Variants in PCDHGA2 observed in about 807,000 individuals in gnomAD.
The protein encoded by PCDHGA2 is protocadherin gamma subfamily A, 2.
PCDHGA2 carries 40 observed loss-of-function variants against 59.2 expected under a neutral mutation model. The observed-to-expected ratio is 0.68, with a 90% confidence interval of 0.52 to 0.88. The LOEUF is 0.88. Ranked by LOEUF, PCDHGA2 falls within the 40% of genes least tolerant of loss-of-function variation. The pLI is 0.00. For missense variants in PCDHGA2, 1,226 were observed against 1,204.0 expected (o/e 1.02, Z -0.27); for synonymous variants, 560 against 526.0 (o/e 1.06, Z -0.89).
chr5:141,419,393 G>T (rs1226844501), intron 1 of PCDHGA2: 2 of 1,613,620 alleles, frequency 1.2e-6, no homozygotes, highest in Non-Finnish European at 1.7e-6. Context: ...CGCGCAGAGC[G>T]GGGTGGTGTT....
intron 1 of PCDHGA2, chr5:141,375,639 CCTTCGACTA>C (rs1771695189): frequency 6.2e-6 from 10 of 1,614,244 alleles, no homozygotes; most frequent in Non-Finnish European, 8.5e-6. Flanking sequence ...GCCCTGCGCT[CCTTCGACTA>C]TGAGCAGTTG....
In PCDHGA2 at chr5:141,340,940, A is replaced by G; in HGVS notation, c.1969A>G (p.Thr657Ala). The G allele has an allele frequency of 6.2e-7, 1 of 1,613,662 alleles. No homozygotes were observed. The highest frequency in any genetic ancestry group is 8.5e-7 in the Non-Finnish European group (1 of 1,179,800). Residue 657 changes from threonine to alanine, a missense_variant, in exon 1 of 4, where the codon ACT becomes GCT. Transcript: ENST00000394576. ...CCACGGCCAGCCCCCTCTCTCCGCC[A>G]CTGTCACGCTCACCGTGGCCGTGGC... Reference protein sequence around the residue: ...QDHGQPPLSATVTLTVAVADR... With the variant: ...QDHGQPPLSAAVTLTVAVADR...
chr5:141,412,215 C>T (rs1265657058), intron 1 of PCDHGA2: 1 of 152,240 alleles, frequency 6.6e-6, no homozygotes, highest in Non-Finnish European at 1.5e-5. Flanking sequence ...GACATAAACA[C>T]TTACTTGTTA....
At chr5:141,433,349 T>C in intron 1 of PCDHGA2, 1 of 616,610 alleles carries the variant, frequency 1.6e-6, no homozygotes, top group East Asian at 2.8e-5. Flanking sequence ...GCAAGCCACC[T>C]ACTGTCTGCC....
At chr5:141,344,310 G>A (rs372211258) in intron 1 of PCDHGA2, 1 of 1,614,090 alleles carries the variant, frequency 6.2e-7, no homozygotes, top group Non-Finnish European at 8.5e-7. Flanking sequence ...GATAGACCGG[G>A]AGGAGCTCTG....
intron 1 of PCDHGA2, among the ~76,000 whole-genome samples, chr5:141,470,845 G>T (rs1381257094): frequency 1.3e-5 from 2 of 151,972 alleles, no homozygotes; most frequent in African/African-American, 4.8e-5. Flanking sequence ...ACGCCACCAT[G>T]CTCAGATAAG....
intron 1 of PCDHGA2, chr5:141,357,613 A>G: frequency 6.2e-7 from 1 of 1,613,940 alleles, no homozygotes; most frequent in Non-Finnish European, 8.5e-7. Context: ...AGGAGACCCT[A>G]ATCTTCAGGT....
intron 1 of PCDHGA2, chr5:141,410,748 C>T (rs569108587): frequency 8.8e-6 from 11 of 1,245,288 alleles, no homozygotes; most frequent in Admixed American, 5.8e-5. Flanking sequence ...AATATTTTCT[C>T]AATGTTTTTT....
At chr5:141,447,950 G>T (rs1195519095) in intron 1 of PCDHGA2, among the ~76,000 whole-genome samples, 1 of 152,052 alleles carries the variant, frequency 6.6e-6, no homozygotes, top group Non-Finnish European at 1.5e-5. Flanking sequence ...GCTGGGCATG[G>T]TGGCGGACAC....
At chr5:141,498,105 G>A (rs150297456) in intron 2 of PCDHGA2, among the ~76,000 whole-genome samples, 4 of 152,206 alleles carry the variant, frequency 2.6e-5, no homozygotes, top group African/African-American at 9.7e-5. Flanking sequence ...TGGTGTGGGC[G>A]TATAATAGGG....
At chr5:141,344,792 G>A in intron 1 of PCDHGA2, 1 of 1,613,992 alleles carries the variant, frequency 6.2e-7, no homozygotes, top group Non-Finnish European at 8.5e-7. Context: ...GTGTTTGGGA[G>A]AACGTGCCTG....
chr5:141,375,966 C>T lies in PCDHGA2; in HGVS notation c.2424+34571C>T, dbSNP rs373365863. ...GGCCTGCACACGGGCGAGGTGCGCACGGCGCGCGCCCTGCTGGACAGAGAC... is the reference window on the plus strand; with the variant it reads ...GGCCTGCACACGGGCGAGGTGCGCATGGCGCGCGCCCTGCTGGACAGAGAC... On this transcript the variant is annotated intron_variant, in intron 1 of 3. Transcript: ENST00000394576. 30 of 1,613,374 alleles carry T rather than the reference C, an allele frequency of 1.9e-5. No individual in the cohort carries two copies. The Admixed American group carries it at 2.3e-4, about 13-fold the overall frequency.
At chr5:141,352,398 G>A in intron 1 of PCDHGA2, 3 of 1,613,996 alleles carry the variant, frequency 1.9e-6, no homozygotes, top group Non-Finnish European at 2.5e-6. Context: ...CGCCTGCGAC[G>A]TTCCTCCAGC....
rs776718024 is a variant in PCDHGA2 at position 141,486,333 on chromosome 5, T to C, written c.2425-8474T>C. 8.1e-6 allele frequency: 13 copies of C among 1,614,080 alleles called. No individual in the cohort carries two copies. Among genetic ancestry groups the C allele is most frequent in the Non-Finnish European group, 1.1e-5 (13 of 1,179,998 alleles). On this transcript the variant is annotated intron_variant, in intron 1 of 3. Coordinates refer to ENST00000394576, the MANE Select transcript of PCDHGA2 (RefSeq NM_018915.4). The surrounding 1 kb of genome is among the most constrained non-coding windows in gnomAD (Gnocchi z 5.0). ...TCAGGGTCAAACGGAGATGTGAGCC[T>C]CCGCATTCCTGACCACTTGCCATTT...
chr5:141,432,969 C>T lies in PCDHGA2; in HGVS notation c.2425-61838C>T, dbSNP rs754836894. On this transcript the variant is annotated intron_variant, in intron 1 of 3. Coordinates refer to ENST00000394576, the MANE Select transcript of PCDHGA2 (RefSeq NM_018915.4). The surrounding 1 kb of genome is among the most constrained non-coding windows in gnomAD (Gnocchi z 6.0). ...GGAGGCGGCTTGACAGGAGCGCCGG[C>T]GTCGCACTTTGTGGGCGTGGACGGG... The T allele has an allele frequency of 3.7e-6, 6 of 1,614,030 alleles. No individual in the cohort carries two copies. In the African/African-American group the frequency reaches 8.0e-5, roughly 22 times the overall value.
At chr5:141,399,398 G>T (rs1374441258) in intron 1 of PCDHGA2, 4 of 1,613,854 alleles carry the variant, frequency 2.5e-6, no homozygotes, top group Non-Finnish European at 3.4e-6. Flanking sequence ...ACAGACAGGG[G>T]CAAGCCGCCC....
At chr5:141,356,326 T>C (rs1262084306) in intron 1 of PCDHGA2, 3 of 1,554,336 alleles carry the variant, frequency 1.9e-6, no homozygotes, top group Non-Finnish European at 2.6e-6. Flanking sequence ...TGACAGTGAC[T>C]CAGGAGGAAA....
At chr5:141,365,109 G>T in intron 1 of PCDHGA2, 1 of 1,613,846 alleles carries the variant, frequency 6.2e-7, no homozygotes, top group African/African-American at 1.3e-5. Flanking sequence ...GTGGGCACTC[G>T]GCTGCTCATG....
At chr5:141,390,047 C>T in intron 1 of PCDHGA2, 1 of 1,614,074 alleles carries the variant, frequency 6.2e-7, no homozygotes, top group Non-Finnish European at 8.5e-7. Flanking sequence ...GCCCCGCCTC[C>T]TGGAGCTGCT....
Sources: gnomAD v4.1 joint callset for allele counts (sites outside exome capture counted in the v4.1 genomes callset) on GRCh38, gnomAD v4.1.1 for gene constraint, Gnocchi (gnomAD v3.1) non-coding constraint, MANE v1.5 for transcripts, NCBI Gene and HGNC (gene_info 2026-07-23, HGNC 2026-07-21) for gene names.